APBB2: variants seen among roughly 807,000 people sequenced by gnomAD.
APBB2 encodes the protein amyloid beta precursor protein binding family B member 2, also known as Fe65-like 1.
A neutral mutation model predicts 82.5 loss-of-function variants in APBB2; 38 were observed. The observed-to-expected ratio is 0.46, with a 90% CI of 0.36 to 0.60. The LOEUF is 0.60. Ranked by LOEUF, APBB2 falls within the 20% of genes least tolerant of loss-of-function variation. The pLI, the probability that APBB2 is intolerant of heterozygous loss-of-function variation, is 0.00. For missense variants in APBB2, 772 were observed against 972.3 expected, an observed-to-expected ratio of 0.79 and a Z score of 2.74; for synonymous variants, 341 against 368.2, an observed-to-expected ratio of 0.93 and a Z score of 0.85.
intron 6 of APBB2, among the ~76,000 whole-genome samples, chr4:41,009,465 A>G (rs1021045318): frequency 2.0e-5 from 3 of 152,200 alleles, no homozygotes; most frequent in Non-Finnish European, 4.4e-5. Flanking sequence ...AGAAGTTACT[A>G]AACAGCTGGA....
chr4:40,839,149 C>T (rs1398529676), intron 12 of APBB2, among the ~76,000 whole-genome samples: 2 of 152,008 alleles, frequency 1.3e-5, no homozygotes, highest in Non-Finnish European at 2.9e-5. Context: ...GCAATCAAAG[C>T]TCATTGTAGC....
intron 12 of APBB2, among the ~76,000 whole-genome samples, chr4:40,871,596 G>A (rs1765537971): frequency 6.6e-6 from 1 of 152,162 alleles, no homozygotes; most frequent in Non-Finnish European, 1.5e-5. Flanking sequence ...CCACATTTTT[G>A]TATAAAACTG....
At chr4:41,068,196 C>T (rs761700672) in intron 3 of APBB2, among the ~76,000 whole-genome samples, 8 of 151,988 alleles carry the variant, frequency 5.3e-5, no homozygotes, top group Admixed American at 4.6e-4. Context: ...ACATATGTAC[C>T]GATGATAAAG....
rs766502178 is a variant in APBB2 at position 41,013,780 on chromosome 4, C to A, written c.638G>T (p.Arg213Ile). The change falls in exon 6 of 18, where the codon AGA (arginine) becomes ATA (isoleucine). Residue 213 changes from arginine to isoleucine, a missense_variant. By Grantham distance (97) the Arg-to-Ile change is moderately conservative. Transcript: ENST00000508593. ...NGDLLLQKPN[R>I]PQSSPEDGQV... ...GCCGTCTTCAGGGCTGGACTGGGGT[C>A]TGTTTGGTTTCTGCAGCAGCAAATC... 6.2e-7 allele frequency: 1 copy of A among 1,614,128 alleles called. No individual in the cohort carries two copies. Among genetic ancestry groups the A allele is most frequent in the Admixed American group, 1.7e-5 (1 of 60,006 alleles).
intron 10 of APBB2, among the ~76,000 whole-genome samples, chr4:40,923,098 C>A (rs1418383124): frequency 6.6e-6 from 1 of 151,956 alleles, no homozygotes; most frequent in Non-Finnish European, 1.5e-5. Context: ...GCCTCAGCCT[C>A]CCGAGTAGCT....
intron 10 of APBB2, among the ~76,000 whole-genome samples, chr4:40,893,728 C>T (rs1578241378): frequency 1.3e-5 from 2 of 152,176 alleles, no homozygotes; most frequent in East Asian, 3.9e-4. Flanking sequence ...AATCCCAGCA[C>T]TTTGGGAGGC....
chr4:41,071,934 A>G (rs1734037763), intron 3 of APBB2, among the ~76,000 whole-genome samples: 2 of 152,198 alleles, frequency 1.3e-5, no homozygotes, highest in South Asian at 4.1e-4. Context: ...ACATGAGAAT[A>G]CTAACTCCAA....
At chr4:40,857,169 C>G (rs1336892507) in intron 12 of APBB2, 8 of 985,354 alleles carry the variant, frequency 8.1e-6, no homozygotes, top group Non-Finnish European at 9.6e-6. Context: ...GAGAGCGGCG[C>G]CCGCGCCTCC....
chr4:41,210,523 G>T (rs7662463), intron 1 of APBB2, among the ~76,000 whole-genome samples: 2 of 151,944 alleles, frequency 1.3e-5, no homozygotes, highest in Non-Finnish European at 2.9e-5. Flanking sequence ...GAGAAATGCC[G>T]TCAACACATA....
rs1392972648 is a variant in APBB2, at chr4:41,074,492, T to C, written c.-148-8819A>G. ...CAACAGGAACCTGCAAATAGAAAGA[T>C]TTCGTCTCAGAACTTCTACATACTC... On this transcript the variant is annotated intron_variant, in intron 3 of 17. Transcript: ENST00000508593. Among the ~76,000 whole-genome samples, 4 of 152,186 alleles carry C rather than the reference T, an allele frequency of 2.6e-5. No individual in the cohort carries two copies. In the East Asian group the frequency reaches 7.7e-4, roughly 29 times the overall value.
intron 3 of APBB2, among the ~76,000 whole-genome samples, chr4:41,068,473 G>A (rs746898224): frequency 1.3e-5 from 2 of 152,178 alleles, no homozygotes; most frequent in Non-Finnish European, 2.9e-5. Context: ...ACGTCTCTTT[G>A]TTGAGAATGA....
chr4:41,075,927 GTA>G (rs1322989795), intron 3 of APBB2, among the ~76,000 whole-genome samples: 7 of 152,094 alleles, frequency 4.6e-5, no homozygotes. Context: ...AGATAACCAG[GTA>G]TCTAAATTGA....
intron 5 of APBB2, among the ~76,000 whole-genome samples, chr4:41,027,330 C>A (rs1714718039): frequency 6.8e-6 from 1 of 147,266 alleles, no homozygotes; most frequent in African/African-American, 2.5e-5. Context: ...TACATACACA[C>A]ACACATTTTT....
At chr4:41,097,392 T>C in intron 3 of APBB2, among the ~76,000 whole-genome samples, 1 of 152,204 alleles carries the variant, frequency 6.6e-6, no homozygotes. Flanking sequence ...TGTTCTCACA[T>C]GAAAAACCTA....
At position 41,211,797 on chromosome 4, in the gene APBB2, T is replaced by C. The variant is rs1401328544; in HGVS notation, c.-417+2608A>G. Among the ~76,000 whole-genome samples, 5 of 152,214 alleles carry C rather than the reference T, an allele frequency of 3.3e-5. No homozygotes were observed. In the East Asian group the frequency reaches 9.6e-4, roughly 29 times the overall value. The stretch of plus-strand genomic sequence containing the variant: ...GTACCCGGCCAGGTATTGTCTATTT[T>C]TAAAATGAAATTGAAAAAGGTACAG... On this transcript the variant is annotated intron_variant, in intron 1 of 17. Coordinates refer to ENST00000508593, the MANE Select transcript of APBB2 (RefSeq NM_004307.2).
Position 40,946,877 on chromosome 4 carries a change from C to A in APBB2, c.836-1804G>T, listed in dbSNP as rs187418281. ...GCAGGCATCACGGGAGCAGAGCCAC[C>A]GTGAGAAATAGAGAAATCAAACAAA... is the stretch of plus-strand genomic sequence containing the variant. On this transcript the variant is annotated intron_variant, in intron 6 of 17. Transcript: ENST00000508593. 2.7e-3 allele frequency among the ~76,000 whole-genome samples: 414 copies of A among 152,264 alleles called. 2 individuals carry two copies. The Middle Eastern group carries it at 0.031, about 11-fold the overall frequency.
chr4:40,880,714 G>A (rs1166263839), intron 12 of APBB2: 2 of 985,288 alleles, frequency 2.0e-6, no homozygotes, highest in African/African-American at 3.5e-5. Context: ...TCCTTTGTCT[G>A]GCTCAGGACT....
At chr4:40,954,426 CCTGTCTACTCTGTG>C (rs1198777769) in intron 6 of APBB2, among the ~76,000 whole-genome samples, 2 of 152,096 alleles carry the variant, frequency 1.3e-5, no homozygotes. Context: ...ACAAATGCTT[CCTGTCTACTCTGTG>C]CCAGACACTG....
Position 41,015,043 on chromosome 4 carries a change from G to A in APBB2, c.20-645C>T, listed in dbSNP as rs562616651. Reference sequence around the variant, plus strand: ...AAATGGCTTAATTTCTGAAGAACACGTACACACGCACACAAAACTATTACT... The same window carrying A: ...AAATGGCTTAATTTCTGAAGAACACATACACACGCACACAAAACTATTACT... On this transcript the variant is annotated intron_variant, in intron 5 of 17. Transcript: ENST00000508593. Among the ~76,000 whole-genome samples, 8 of 152,286 alleles carry A rather than the reference G, an allele frequency of 5.3e-5. No individual in the cohort carries two copies. The South Asian group carries it at 1.2e-3, about 24-fold the overall frequency.
Sources: gnomAD v4.1 joint callset for allele counts (sites outside exome capture counted in the v4.1 genomes callset) on GRCh38, gnomAD v4.1.1 for gene constraint, MANE v1.5 for transcripts, NCBI Gene and HGNC (gene_info 2026-07-23, HGNC 2026-07-21) for gene names.